Variants in CRLS1 observed in about 807,000 individuals in gnomAD.
CRLS1 encodes the protein cardiolipin synthase (CMP-forming).
A neutral mutation model predicts 37.0 loss-of-function variants in CRLS1; 24 were observed. The ratio of observed to expected loss-of-function variants is 0.65; its 90% CI spans 0.47 to 0.91. The LOEUF (loss-of-function observed/expected upper bound fraction) is 0.91. Ranked by LOEUF, CRLS1 falls within the 40% of genes least tolerant of loss-of-function variation. CRLS1 has a pLI of 0.00. For synonymous variants in CRLS1, 135 were observed against 159.7 expected (o/e 0.85, Z 1.17); for missense variants, 373 against 395.8 (o/e 0.94, Z 0.49).
chr20:6,031,207 T>G lies in CRLS1; in HGVS notation c.575-78T>G, dbSNP rs1047256338. 5.6e-6 allele frequency: 5 copies of G among 892,038 alleles called. No homozygotes were observed. The African/African-American group carries it at 8.5e-5, about 15-fold the overall frequency. 55.3% of individuals were successfully genotyped at this position (892,038 alleles called of 1,614,324 possible). A position where few individuals can be genotyped will look rare whatever the true frequency, so the allele number is the denominator to read the frequency against. ...AACAGCAGTTTGTGGTAAGGCTGAA[T>G]GACATATTATTGTATTCATAATGCA... On this transcript the variant is annotated intron_variant, in intron 3 of 6. Transcript: ENST00000378863.
At chr20:6,034,400 T>G (rs961719191) in intron 5 of CRLS1, 64 bp from the exon 6 acceptor site, 1 of 1,158,010 alleles carries the variant, frequency 8.6e-7, no homozygotes, top group Admixed American at 1.8e-5. Context: ...TGCTTTTGTC[T>G]TGAAAGCTTG....
chr20:6,034,652 C>A, intron 6 of CRLS1, 97 bp downstream of exon 6: 1 of 857,550 alleles, frequency 1.2e-6, no homozygotes. Flanking sequence ...TTGTTGAGCA[C>A]TGACTGGGTA....
intron 3 of CRLS1, among the ~76,000 whole-genome samples, chr20:6,030,307 T>A (rs1980057350): frequency 6.6e-6 from 1 of 152,180 alleles, no homozygotes; most frequent in Non-Finnish European, 1.5e-5. Flanking sequence ...TTCTATTGGC[T>A]ATGGCTCTGG....
At chr20:6,013,718 GC>G (rs766568693) in intron 2 of CRLS1, among the ~76,000 whole-genome samples, 62 of 152,204 alleles carry the variant, frequency 4.1e-4, no homozygotes, top group Non-Finnish European at 8.2e-4. Flanking sequence ...AGTATTGGGT[GC>G]CCATGGGAGA....
At chr20:6,006,003 G>A, upstream of CRLS1, 3 of 335,104 alleles carry the variant, frequency 9.0e-6, no homozygotes, top group Non-Finnish European at 1.6e-5. Flanking sequence ...GCGCGCCTCC[G>A]CTGTGCCAGG....
At chr20:6,008,614 A>C (rs1374062820) in intron 1 of CRLS1, among the ~76,000 whole-genome samples, 1 of 152,234 alleles carries the variant, frequency 6.6e-6, no homozygotes, top group African/African-American at 2.4e-5. Flanking sequence ...GACTGTTTTG[A>C]ACAAATTTAC....
chr20:6,007,172 T>A (rs1241195306), intron 1 of CRLS1: 3 of 1,318,274 alleles, frequency 2.3e-6, no homozygotes, highest in Non-Finnish European at 3.0e-6. Context: ...GGAGAGCTTT[T>A]GATGTCATGT....
intron 3 of CRLS1, among the ~76,000 whole-genome samples, chr20:6,022,402 G>C (rs972589928): frequency 2.2e-5 from 3 of 138,902 alleles, no homozygotes; most frequent in African/African-American, 5.4e-5. Flanking sequence ...GCAGTGGTGT[G>C]ATCTCGGCTC....
intron 2 of CRLS1, among the ~76,000 whole-genome samples, chr20:6,014,053 G>A (rs1359254312): frequency 1.3e-5 from 2 of 152,154 alleles, no homozygotes; most frequent in African/African-American, 4.8e-5. Context: ...TTTTCTGTTC[G>A]TATGCTTAAG....
chr20:6,007,098 G>A (rs1014140120), intron 1 of CRLS1, among the ~76,000 whole-genome samples: 3 of 152,190 alleles, frequency 2.0e-5, no homozygotes, highest in African/African-American at 7.2e-5. Context: ...GTAACGGAGG[G>A]AAGTATTTGT....
At chr20:6,033,097 TTTA>T (rs2123026320) in intron 5 of CRLS1, among the ~76,000 whole-genome samples, 2 of 149,732 alleles carry the variant, frequency 1.3e-5, no homozygotes, top group South Asian at 4.2e-4. Context: ...TATTTTATAT[TTTA>T]TTTTATTTTA....
Position 6,009,109 on chromosome 20 carries a change from G to C in CRLS1, c.307-666G>C, listed in dbSNP as rs6038329. 6.3e-4 allele frequency among the ~76,000 whole-genome samples: 96 copies of C among 152,302 alleles called. 1 individual carries two copies. The highest frequency in any genetic ancestry group is 2.3e-3 in the African/African-American group (94 of 41,568). The stretch of plus-strand genomic sequence containing the variant: ...GGAGGCCGAGGCAGGTGGATCACGA[G>C]GTCAGGAGTTTGAGACCAGCCTGGC... On this transcript the variant is annotated intron_variant, in intron 1 of 6. Coordinates refer to ENST00000378863, the MANE Select transcript of CRLS1 (RefSeq NM_019095.6).
intron 2 of CRLS1, among the ~76,000 whole-genome samples, chr20:6,010,896 A>T (rs997943171): frequency 1.3e-5 from 2 of 152,192 alleles, no homozygotes; most frequent in African/African-American, 4.8e-5. Flanking sequence ...ATACGCCTGC[A>T]GTCCTAGGTA....
At chr20:6,028,101 T>C (rs921180715) in intron 3 of CRLS1, among the ~76,000 whole-genome samples, 2 of 152,254 alleles carry the variant, frequency 1.3e-5, no homozygotes, top group Non-Finnish European at 2.9e-5. Flanking sequence ...GTTCCTACTT[T>C]TATGCTGCAT....
At chr20:6,029,398 C>CT (rs797016824) in intron 3 of CRLS1, among the ~76,000 whole-genome samples, 8 of 131,354 alleles carry the variant, frequency 6.1e-5, no homozygotes, top group African/African-American at 2.3e-4. Flanking sequence ...GAGTTTCACT[C>CT]TTGTTGCCCA....
At chr20:6,025,217 G>C (rs1387663023) in intron 3 of CRLS1, among the ~76,000 whole-genome samples, 1 of 152,212 alleles carries the variant, frequency 6.6e-6, no homozygotes, top group African/African-American at 2.4e-5. Context: ...TCTCTTGCTA[G>C]AGGCCAATGA....
Position 6,039,632 on chromosome 20 carries a change from C to T in CRLS1, c.*2474C>T, listed in dbSNP as rs939736684. ...AGAAAGATACGTTCACGTTCAAACC[C>T]CCAGTACTGTACATGTGACCTTATT... On this transcript the variant is annotated 3_prime_UTR_variant, in exon 7 of 7. Transcript: ENST00000378863. The T allele has an allele frequency of 7.9e-5, 12 of 151,968 alleles. No homozygotes were observed. Among genetic ancestry groups the T allele is most frequent in the African/African-American group, 2.4e-4 (10 of 41,358 alleles). 9.4% of individuals were successfully genotyped at this position (151,968 alleles called of 1,614,324 possible). A position where few individuals can be genotyped will look rare whatever the true frequency, so the allele number is the denominator to read the frequency against.
rs766081446 is a variant in CRLS1 at position 6,032,094 on chromosome 20, A to T, written c.729+14A>T. 3 of 1,589,486 alleles carry T rather than the reference A, an allele frequency of 1.9e-6. No individual in the cohort carries two copies. The East Asian group carries it at 6.7e-5, about 36-fold the overall frequency. The stretch of plus-strand genomic sequence containing the variant: ...TTCATCAGCAAGGTAAGAGAATGCA[A>T]TGTTCTTTGAAGTTATTCCTTTGTA... On this transcript the variant is annotated intron_variant, in intron 5 of 6. Coordinates refer to ENST00000378863, the MANE Select transcript of CRLS1 (RefSeq NM_019095.6).
rs1271612990 is a variant in CRLS1 at position 6,037,165 on chromosome 20, T to C, written c.*7T>C. 6.2e-7 allele frequency: 1 copy of C among 1,603,644 alleles called. No homozygotes were observed. The highest frequency in any genetic ancestry group is 1.1e-5 in the South Asian group (1 of 90,766). ...TCAGGTGATAAAAGACTGATGAAAG[T>C]CATCCCTCACTGTTAGTAAGGAAGC... On this transcript the variant is annotated 3_prime_UTR_variant, in exon 7 of 7. Coordinates refer to ENST00000378863, the MANE Select transcript of CRLS1 (RefSeq NM_019095.6).
Sources: allele counts gnomAD v4.1 joint callset (sites outside exome capture counted in the v4.1 genomes callset), GRCh38; gene constraint gnomAD v4.1.1; transcripts MANE v1.5; gene names NCBI Gene and HGNC (gene_info 2026-07-23, HGNC 2026-07-21).